SDE2: variants seen among roughly 807,000 people sequenced by gnomAD.
The protein encoded by SDE2 is spliceosome associated SDE2, also known as splicing regulator SDE2.
A neutral mutation model predicts 46.9 loss-of-function variants in SDE2; 31 were observed. The observed-to-expected ratio is 0.66, with a 90% CI of 0.50 to 0.89. SDE2 has a LOEUF of 0.89. Among genes scored for constraint, SDE2 ranks in the 40% least tolerant of loss-of-function variants. The probability of loss-of-function intolerance (pLI) is 0.00; values close to 1 mark genes in which losing one functional copy is unlikely to be tolerated. For missense variants in SDE2, 542 were observed against 564.4 expected, an observed-to-expected ratio of 0.96 and a Z score of 0.40; for synonymous variants, 205 against 204.3, an observed-to-expected ratio of 1.00 and a Z score of -0.03.
intron 6 of SDE2, among the ~76,000 whole-genome samples, chr1:225,987,619 C>T (rs1018978082): frequency 1.7e-4 from 26 of 152,246 alleles, no homozygotes; most frequent in East Asian, 1.9e-4. Context: ...ATATGTTATA[C>T]ACATCTCATT....
chr1:225,991,381 C>T lies in SDE2; in HGVS notation c.521-18G>A, dbSNP rs765205098. On this transcript the variant is annotated intron_variant, in intron 4 of 6. Transcript: ENST00000272091. ...CTGCATACCTAACCAGAAATTTTAACAACTCAGTTTCTACTATAGGGACTA... is the reference window on the plus strand; with the variant it reads ...CTGCATACCTAACCAGAAATTTTAATAACTCAGTTTCTACTATAGGGACTA... The T allele has an allele frequency of 1.1e-5, 17 of 1,608,664 alleles. No homozygotes were observed. In the South Asian group the frequency reaches 1.8e-4, roughly 17 times the overall value.
intron 4 of SDE2, among the ~76,000 whole-genome samples, chr1:225,991,896 G>A (rs1656408540): frequency 6.6e-6 from 1 of 152,220 alleles, no homozygotes; most frequent in African/African-American, 2.4e-5. Flanking sequence ...GGGGCCCATG[G>A]CCCCATGGAA....
At position 225,985,503 on chromosome 1, in the gene SDE2, T is replaced by C. The variant is rs1656250520; in HGVS notation, c.1155A>G (p.Ile385Met). The change falls in exon 7 of 7, where the codon ATA (isoleucine) becomes ATG (methionine). Residue 385 changes from isoleucine to methionine, a missense_variant. By Grantham distance (10) the Ile-to-Met change is conservative. Coordinates refer to ENST00000272091, the MANE Select transcript of SDE2 (RefSeq NM_152608.4). ...CAACAGAGGTGAACGCCAATAAATC[T>C]ATAGTTTCCTTATCAATAACCTGAG... ...PGNAVIDKET[I>M]DLLAFTSVAE... is the part of the protein sequence containing the mutation. 2.5e-6 allele frequency: 4 copies of C among 1,611,888 alleles called. No individual in the cohort carries two copies. The highest frequency in any genetic ancestry group is 1.7e-4 in the Middle Eastern group (1 of 6,056).
chr1:225,986,682 T>C (rs1276674764), intron 6 of SDE2, among the ~76,000 whole-genome samples: 3 of 152,250 alleles, frequency 2.0e-5, no homozygotes, highest in Admixed American at 2.0e-4. Flanking sequence ...GGTTTTATCC[T>C]ATGATTCCTT....
At chr1:225,991,124 GA>G in intron 5 of SDE2, 118 bp downstream of exon 5, 1 of 925,854 alleles carries the variant, frequency 1.1e-6, no homozygotes, top group South Asian at 1.8e-5. Flanking sequence ...AAGCACTCTG[GA>G]AATTTTCTGA....
intron 4 of SDE2, 37 bp downstream of exon 4, chr1:225,992,361 G>A: frequency 1.9e-6 from 3 of 1,547,504 alleles, no homozygotes; most frequent in South Asian, 2.2e-5. Context: ...GGCTTCAGGG[G>A]TGCCAGCTGA....
At position 225,984,244 on chromosome 1, in the gene SDE2, T is replaced by A. The variant is rs1393741630; in HGVS notation, c.*1058A>T. On this transcript the variant is annotated 3_prime_UTR_variant, in exon 7 of 7. Transcript: ENST00000272091. ...CCTGGGCAACAAAAGCGAAATTCCA[T>A]CTCAAAAAGAAAAAAAAAAGAAAAT... The A allele has an allele frequency of 6.7e-6, 1 of 149,690 alleles. No homozygotes were observed. Among genetic ancestry groups the A allele is most frequent in the Admixed American group, 6.7e-5 (1 of 15,032 alleles). 9.3% of individuals were successfully genotyped at this position (149,690 alleles called of 1,614,324 possible). A position where few individuals can be genotyped will look rare whatever the true frequency, so the allele number is the denominator to read the frequency against.
rs548586451 is a variant in SDE2, at chr1:225,985,505, T to C, written c.1153A>G (p.Ile385Val). Residue 385 changes from isoleucine to valine, a missense_variant, in exon 7 of 7, where the codon ATA becomes GTA. Transcript: ENST00000272091. ...PGNAVIDKET[I>V]DLLAFTSVAE... The stretch of plus-strand genomic sequence containing the variant: ...ACAGAGGTGAACGCCAATAAATCTA[T>C]AGTTTCCTTATCAATAACCTGAGGG... 46 of 1,611,474 alleles carry C rather than the reference T, an allele frequency of 2.9e-5. No individual in the cohort carries two copies. Among genetic ancestry groups the C allele is most frequent in the Non-Finnish European group, 3.5e-5 (41 of 1,177,554 alleles).
rs191058439 is a variant in SDE2 at position 225,982,880 on chromosome 1, C to T, written c.*2422G>A. 3.1e-4 allele frequency: 47 copies of T among 152,150 alleles called. No individual in the cohort carries two copies. The highest frequency in any genetic ancestry group is 1.0e-3 in the African/African-American group (43 of 41,528). The allele number at this position is 152,150 out of a possible 1,614,324, so 9.4% of individuals were successfully genotyped here. A position where few individuals can be genotyped will look rare whatever the true frequency, so the allele number is the denominator to read the frequency against. On this transcript the variant is annotated 3_prime_UTR_variant, in exon 7 of 7. Transcript: ENST00000272091. The stretch of plus-strand genomic sequence containing the variant: ...TATGATAAATGGATGTACATACTTA[C>T]AAGATTTCTACATTTTATGTGAAGT...
At chr1:225,991,824 G>A (rs1656407052) in intron 4 of SDE2, among the ~76,000 whole-genome samples, 1 of 152,148 alleles carries the variant, frequency 6.6e-6, no homozygotes, top group Non-Finnish European at 1.5e-5. Flanking sequence ...AATTCTTTGA[G>A]GTCTAGACAT....
Position 225,985,337 on chromosome 1 carries a change from A to T in SDE2, c.1321T>A (p.Leu441Ile), listed in dbSNP as rs773576584. ...GLAKEQIDPA[L>I]FAKPLKGKKK ...TTCCCTTTCAAAGGCTTGGCAAATA[A>T]AGCCGGGTCAATTTGCTCCTTTGCC... The change falls in exon 7 of 7, where the codon TTA (leucine) becomes ATA (isoleucine). Residue 441 changes from leucine to isoleucine, a missense_variant. Leu to Ile is a conservative substitution (Grantham distance 5). This residue lies in a region of SDE2 where 401 missense variants were observed against 437.8 expected (regional missense o/e 0.92). Transcript: ENST00000272091. 6.2e-7 allele frequency: 1 copy of T among 1,614,234 alleles called. No homozygotes were observed. The highest frequency in any genetic ancestry group is 1.1e-5 in the South Asian group (1 of 91,084).
At position 225,992,456 on chromosome 1, in the gene SDE2, G is replaced by A. The variant is rs534722581; in HGVS notation, c.462C>T (p.Pro154=). 114 of 1,613,542 alleles carry A rather than the reference G, an allele frequency of 7.1e-5. No individual in the cohort carries two copies. The East Asian group carries it at 2.0e-3, about 29-fold the overall frequency. Residue 154 remains proline, a synonymous_variant, in exon 4 of 7, where the codon CCC becomes CCT. Coordinates refer to ENST00000272091, the MANE Select transcript of SDE2 (RefSeq NM_152608.4). The stretch of plus-strand genomic sequence containing the variant: ...TCTCATGGCACTGCTGCTGGTAGTC[G>A]GGGCTGGTGAAGCAGTGCTTGGGTT... The part of the protein sequence containing the change: ...LVEPKHCFTS[P]DYQQQCHEMA...
Position 225,984,895 on chromosome 1 carries a change from C to T in SDE2, c.*407G>A, listed in dbSNP as rs1383878690. On this transcript the variant is annotated 3_prime_UTR_variant, in exon 7 of 7. Transcript: ENST00000272091. ...ATTAGGAAAGTGAGAACAGAAATTA[C>T]CAGTATCATAATGAAAAGGAAATTA... The T allele has an allele frequency of 5.9e-6, 1 of 168,696 alleles. No individual in the cohort carries two copies. The highest frequency in any genetic ancestry group is 2.4e-5 in the African/African-American group (1 of 41,506). The allele number at this position is 168,696 out of a possible 1,614,324, so 10.4% of individuals were successfully genotyped here. A position where few individuals can be genotyped will look rare whatever the true frequency, so the allele number is the denominator to read the frequency against.
chr1:225,996,354 G>C (rs577854693), intron 1 of SDE2, among the ~76,000 whole-genome samples: 2 of 152,194 alleles, frequency 1.3e-5, no homozygotes, highest in South Asian at 4.1e-4. Flanking sequence ...TGTCTAATGG[G>C]TATGGTATTT....
At chr1:225,988,447 T>C (rs1656320624) in intron 5 of SDE2, 59 bp from the exon 6 acceptor site, 2 of 1,579,032 alleles carry the variant, frequency 1.3e-6, no homozygotes, top group South Asian at 1.2e-5. Flanking sequence ...AAGCAAAGAG[T>C]TGGCTGGGCG....
At chr1:225,986,367 C>T (rs1212452702) in intron 6 of SDE2, among the ~76,000 whole-genome samples, 1 of 151,164 alleles carries the variant, frequency 6.6e-6, no homozygotes, top group Non-Finnish European at 1.5e-5. Context: ...TTAAATACTG[C>T]TAATGATACC....
At chr1:225,987,045 T>A (rs1348440744) in intron 6 of SDE2, among the ~76,000 whole-genome samples, 1 of 152,160 alleles carries the variant, frequency 6.6e-6, no homozygotes, top group Non-Finnish European at 1.5e-5. Context: ...AAAATGCCTT[T>A]TTATTATTAT....
intron 1 of SDE2, among the ~76,000 whole-genome samples, chr1:225,998,980 T>G (rs775071462): frequency 1.2e-4 from 18 of 151,954 alleles, no homozygotes; most frequent in Middle Eastern, 3.4e-3. Context: ...TTTTTCTCCC[T>G]CTTGGTGGGA....
chr1:225,982,979 A>G lies in SDE2; in HGVS notation c.*2323T>C, dbSNP rs1456063312. 6.6e-6 allele frequency: 1 copy of G among 152,176 alleles called. No homozygotes were observed. Among genetic ancestry groups the G allele is most frequent in the Non-Finnish European group, 1.5e-5 (1 of 68,018 alleles). 9.4% of individuals were successfully genotyped at this position (152,176 alleles called of 1,614,324 possible). A position where few individuals can be genotyped will look rare whatever the true frequency, so the allele number is the denominator to read the frequency against. ...TCACTAGAACATCCAACTTAAAAAA[A>G]TTATTAAAACAGTATAGCTAAAGAG... On this transcript the variant is annotated 3_prime_UTR_variant, in exon 7 of 7. Coordinates refer to ENST00000272091, the MANE Select transcript of SDE2 (RefSeq NM_152608.4).
Sources: gnomAD v4.1 joint callset for allele counts (sites outside exome capture counted in the v4.1 genomes callset) on GRCh38, gnomAD v4.1.1 for gene constraint, gnomAD v4.1.1 regional missense constraint, MANE v1.5 for transcripts, NCBI Gene and HGNC (gene_info 2026-07-23, HGNC 2026-07-21) for gene names.